Variants in NEGR1 observed in about 807,000 individuals in gnomAD.
NEGR1 encodes IgLON family member 4.
In NEGR1, 10 loss-of-function variants were observed where a neutral mutation model predicts 40.9. That is an observed-to-expected ratio of 0.24 (90% CI 0.15 to 0.42). The LOEUF (loss-of-function observed/expected upper bound fraction) is 0.42. Among genes scored for constraint, NEGR1 ranks in the 10% least tolerant of loss-of-function variants. NEGR1 has a pLI of 1.00. For synonymous variants in NEGR1, 185 were observed against 166.8 expected (o/e 1.11, Z -0.84); for missense variants, 352 against 438.9 (o/e 0.80, Z 1.77).
chr1:71,508,787 G>C (rs112029040), intron 6 of NEGR1, among the ~76,000 whole-genome samples: 2 of 152,158 alleles, frequency 1.3e-5, no homozygotes, highest in African/African-American at 4.8e-5. Flanking sequence ...AACTGCATCT[G>C]TCCAGGGGCT....
At chr1:71,550,149 T>C (rs1396480098) in intron 6 of NEGR1, among the ~76,000 whole-genome samples, 4 of 151,630 alleles carry the variant, frequency 2.6e-5, no homozygotes, top group African/African-American at 7.3e-5. Context: ...TTTGAGTTTT[T>C]TTAGCCTCGT....
At chr1:72,253,556 G>T (rs1016832759) in intron 1 of NEGR1, among the ~76,000 whole-genome samples, 1 of 152,122 alleles carries the variant, frequency 6.6e-6, no homozygotes, top group Non-Finnish European at 1.5e-5. Flanking sequence ...AGAGTATGAA[G>T]AAAGAAACAG....
chr1:72,144,414 A>G (rs1193989535), intron 1 of NEGR1, among the ~76,000 whole-genome samples: 2 of 151,962 alleles, frequency 1.3e-5, no homozygotes, highest in African/African-American at 2.4e-5. Flanking sequence ...TGCAATCATA[A>G]AACTATAAGA....
intron 1 of NEGR1, among the ~76,000 whole-genome samples, chr1:72,104,173 A>C (rs527979578): frequency 6.6e-6 from 1 of 152,158 alleles, no homozygotes; most frequent in South Asian, 2.1e-4. Flanking sequence ...AGCCCCTCCC[A>C]AAGATGTCTA....
intron 1 of NEGR1, among the ~76,000 whole-genome samples, chr1:72,011,011 C>G (rs1024735740): frequency 6.6e-6 from 1 of 152,084 alleles, no homozygotes; most frequent in African/African-American, 2.4e-5. Flanking sequence ...ATAAGAATAA[C>G]TGACTCAGAT....
chr1:71,546,496 G>GT (rs1647900331), intron 6 of NEGR1, among the ~76,000 whole-genome samples: 1 of 151,676 alleles, frequency 6.6e-6, no homozygotes, highest in South Asian at 2.1e-4. Context: ...GCATATAGGT[G>GT]TTTAAAAGTG....
chr1:71,633,443 A>T (rs1651041798), intron 4 of NEGR1, among the ~76,000 whole-genome samples: 1 of 152,038 alleles, frequency 6.6e-6, no homozygotes, highest in Non-Finnish European at 1.5e-5. Context: ...ATGTTCTGGG[A>T]AGAATGGAAT....
intron 1 of NEGR1, among the ~76,000 whole-genome samples, chr1:72,147,864 G>C (rs79195210): frequency 6.6e-6 from 1 of 152,020 alleles, no homozygotes; most frequent in East Asian, 1.9e-4. Flanking sequence ...GATTTCCTTT[G>C]ACTCCAGGTC....
intron 6 of NEGR1, among the ~76,000 whole-genome samples, chr1:71,412,683 CTATT>C (rs1646331110): frequency 6.6e-6 from 1 of 151,996 alleles, no homozygotes; most frequent in Non-Finnish European, 1.5e-5. Flanking sequence ...TGAAATTGTT[CTATT>C]TCTTTCTTAC....
chr1:71,839,883 A>G (rs914021004), intron 2 of NEGR1, among the ~76,000 whole-genome samples: 1 of 151,918 alleles, frequency 6.6e-6, no homozygotes, highest in Admixed American at 6.6e-5. Flanking sequence ...ACATGCTGAA[A>G]CTCGAGTTAC....
chr1:71,915,536 A>G (rs1396187577), intron 2 of NEGR1, among the ~76,000 whole-genome samples: 2 of 152,128 alleles, frequency 1.3e-5, no homozygotes, highest in Admixed American at 6.6e-5. Context: ...CTTTGTGTCC[A>G]GTTCTTAACA....
intron 1 of NEGR1, among the ~76,000 whole-genome samples, chr1:71,961,327 G>T (rs1056744743): frequency 6.6e-6 from 1 of 152,046 alleles, no homozygotes. Flanking sequence ...ATTATTTATC[G>T]CTGGCTTGCA....
intron 6 of NEGR1, chr1:71,409,081 A>G (rs2101259358): frequency 6.6e-6 from 1 of 152,176 alleles, no homozygotes; most frequent in South Asian, 2.1e-4. Flanking sequence ...TATTTAATGC[A>G]TGTGTATAAT....
intron 2 of NEGR1, among the ~76,000 whole-genome samples, chr1:71,922,638 G>A (rs980664781): frequency 7.2e-5 from 11 of 152,084 alleles, no homozygotes; most frequent in Admixed American, 3.9e-4. Context: ...TGGAATCAGT[G>A]AGAGCAATAT....
intron 2 of NEGR1, among the ~76,000 whole-genome samples, chr1:71,818,964 T>C (rs894621633): frequency 2.6e-5 from 4 of 152,008 alleles, no homozygotes; most frequent in African/African-American, 9.7e-5. Flanking sequence ...TAGAGCATTA[T>C]AGAACAAAGC....
chr1:72,085,057 A>G (rs1347141060), intron 1 of NEGR1, among the ~76,000 whole-genome samples: 4 of 152,210 alleles, frequency 2.6e-5, no homozygotes, highest in Non-Finnish European at 4.4e-5. Context: ...GTTTTCATAA[A>G]GCTCATTTTA....
At chr1:71,477,453 G>A (rs1646828508) in intron 6 of NEGR1, 1 of 152,118 alleles carries the variant, frequency 6.6e-6, no homozygotes, top group Non-Finnish European at 1.5e-5. Context: ...GGGTGCTGAA[G>A]GCAAGTTAAC....
intron 2 of NEGR1, among the ~76,000 whole-genome samples, chr1:71,801,077 G>T (rs1348384633): frequency 6.6e-6 from 1 of 152,070 alleles, no homozygotes; most frequent in African/African-American, 2.4e-5. Context: ...CAGGTTCTCA[G>T]CTCTCATCTT....
At chr1:71,419,056 C>T (rs1569849862) in intron 6 of NEGR1, among the ~76,000 whole-genome samples, 1 of 152,284 alleles carries the variant, frequency 6.6e-6, no homozygotes, top group Non-Finnish European at 1.5e-5. Flanking sequence ...TACAGGGCTC[C>T]TCAGAGGGTC....
Sources: gnomAD v4.1 joint callset for allele counts (sites outside exome capture counted in the v4.1 genomes callset) on GRCh38, gnomAD v4.1.1 for gene constraint, MANE v1.5 for transcripts, NCBI Gene and HGNC (gene_info 2026-07-23, HGNC 2026-07-21) for gene names.